The following LRRC7 variants were observed in gnomAD, a reference collection of about 807,000 sequenced individuals.
The protein encoded by LRRC7 is leucine rich repeat containing 7.
A neutral mutation model predicts 175.7 loss-of-function variants in LRRC7; 23 were observed. The observed-to-expected ratio is 0.13, with a 90% CI of 0.09 to 0.19. LRRC7 has a LOEUF of 0.19. Among genes scored for constraint, LRRC7 ranks in the 10% least tolerant of loss-of-function variants. LRRC7 has a pLI of 1.00. For synonymous variants in LRRC7, 685 were observed against 680.9 expected (o/e 1.01, Z -0.09); for missense variants, 1,354 against 1,904.7 (o/e 0.71, Z 5.38).
chr1:69,847,790 C>T (rs1195716848), intron 7 of LRRC7, among the ~76,000 whole-genome samples: 1 of 152,052 alleles, frequency 6.6e-6, no homozygotes, highest in African/African-American at 2.4e-5. Context: ...CTCATCTCTA[C>T]CATTGGAATA....
rs995822571 is a variant in LRRC7, at chr1:70,138,648, C to T, written c.*16761C>T. ...TTTTAAGGAGCCAAATTTAAATTCT[C>T]AATACCCTATGAGATTTTTTAAACT... On this transcript the variant is annotated 3_prime_UTR_variant, in exon 27 of 27. Coordinates refer to ENST00000651989, the MANE Select transcript of LRRC7 (RefSeq NM_001370785.2). 1.3e-5 allele frequency: 2 copies of T among 152,152 alleles called. No homozygotes were observed. The highest frequency in any genetic ancestry group is 4.8e-5 in the African/African-American group (2 of 41,424). 9.4% of individuals were successfully genotyped at this position (152,152 alleles called of 1,614,324 possible).
intron 1 of LRRC7, among the ~76,000 whole-genome samples, chr1:69,623,614 G>A (rs1016465181): frequency 2.0e-5 from 3 of 147,456 alleles, no homozygotes; most frequent in East Asian, 2.0e-4. Flanking sequence ...GCAATGGTAC[G>A]ATCTCGGCTC....
rs1400967892 is a variant in LRRC7 at position 69,878,466 on chromosome 1, T to G, written c.647+40183T>G. On this transcript the variant is annotated intron_variant, in intron 7 of 26. Coordinates refer to ENST00000651989, the MANE Select transcript of LRRC7 (RefSeq NM_001370785.2). ...TGTTTTTAGAGAATGCACGACTGAT[T>G]TAAGAATGCTTGTTCAGATGAAGAA... Among the ~76,000 whole-genome samples the G allele has an allele frequency of 3.9e-5, 6 of 152,134 alleles. No individual in the cohort carries two copies. In the East Asian group the frequency reaches 1.2e-3, roughly 29 times the overall value.
chr1:70,065,505 A>G (rs1558039568), intron 23 of LRRC7, among the ~76,000 whole-genome samples: 1 of 151,948 alleles, frequency 6.6e-6, no homozygotes, highest in Non-Finnish European at 1.5e-5. Context: ...ATCTATGTGA[A>G]TTATGGATAA....
chr1:70,101,948 A>C (rs1664833324), intron 25 of LRRC7, among the ~76,000 whole-genome samples: 1 of 152,188 alleles, frequency 6.6e-6, no homozygotes, highest in Non-Finnish European at 1.5e-5. Flanking sequence ...CATTCTTTTG[A>C]AAGGAGCTTC....
chr1:69,926,184 G>A (rs1194363752), intron 7 of LRRC7, among the ~76,000 whole-genome samples: 30 of 142,844 alleles, frequency 2.1e-4, no homozygotes, highest in African/African-American at 3.3e-4. Context: ...TATAATTTCC[G>A]TTCTTTTACA....
intron 3 of LRRC7, among the ~76,000 whole-genome samples, chr1:69,775,351 A>G (rs1193643550): frequency 1.3e-5 from 2 of 152,200 alleles, no homozygotes; most frequent in Non-Finnish European, 1.5e-5. Flanking sequence ...TTATTAGTAT[A>G]TGACTTGACA....
intron 1 of LRRC7, among the ~76,000 whole-genome samples, chr1:69,654,037 T>C (rs905971533): frequency 1.3e-4 from 19 of 151,998 alleles, no homozygotes; most frequent in Non-Finnish European, 1.9e-4. Flanking sequence ...AGATTTGCTG[T>C]ACAACAATGT....
intron 7 of LRRC7, among the ~76,000 whole-genome samples, chr1:69,912,250 C>T (rs1323402740): frequency 1.3e-5 from 2 of 152,108 alleles, no homozygotes; most frequent in Non-Finnish European, 2.9e-5. Flanking sequence ...ATGAGCCTGA[C>T]ACATTGTGTG....
intron 1 of LRRC7, among the ~76,000 whole-genome samples, chr1:69,650,349 G>T (rs1044874000): frequency 2.0e-5 from 3 of 151,692 alleles, no homozygotes; most frequent in African/African-American, 7.3e-5. Flanking sequence ...GACCATCGTG[G>T]CTAACATGGT....
chr1:69,641,474 AAATT>A (rs1164472905), intron 1 of LRRC7, among the ~76,000 whole-genome samples: 2 of 151,610 alleles, frequency 1.3e-5, no homozygotes, highest in Non-Finnish European at 3.0e-5. Context: ...TTTAAGAAAT[AAATT>A]AATCAGCATT....
intron 2 of LRRC7, among the ~76,000 whole-genome samples, chr1:69,717,958 AG>A (rs1386573937): frequency 1.5e-4 from 9 of 58,620 alleles, no homozygotes; most frequent in African/African-American, 4.1e-4. Flanking sequence ...GAAAGAAAGA[AG>A]AAAAAGAAAG....
At chr1:69,941,496 A>G (rs1648704418) in intron 8 of LRRC7, among the ~76,000 whole-genome samples, 1 of 152,036 alleles carries the variant, frequency 6.6e-6, no homozygotes, top group Non-Finnish European at 1.5e-5. Flanking sequence ...GGGTAGTAGC[A>G]ATGGAGGTGG....
chr1:70,010,218 T>C (rs975251080), intron 11 of LRRC7, among the ~76,000 whole-genome samples: 6 of 152,230 alleles, frequency 3.9e-5, no homozygotes, highest in Non-Finnish European at 1.5e-5. Context: ...CTGTGTTCAA[T>C]TGTTAAATAA....
At chr1:70,021,370 G>A (rs1657478181) in intron 16 of LRRC7, 1 of 319,516 alleles carries the variant, frequency 3.1e-6, no homozygotes. Context: ...CTGCATGAGA[G>A]AGATTCAAGC....
intron 2 of LRRC7, among the ~76,000 whole-genome samples, chr1:69,745,443 T>C (rs1450958394): frequency 2.0e-5 from 3 of 152,030 alleles, no homozygotes; most frequent in South Asian, 2.1e-4. Flanking sequence ...AGGAAAGATG[T>C]TCAAATCCTT....
At chr1:69,819,573 C>CTGTGTG (rs1211392847) in intron 4 of LRRC7, among the ~76,000 whole-genome samples, 8 of 128,108 alleles carry the variant, frequency 6.2e-5, no homozygotes, top group African/African-American at 2.2e-4. Context: ...CTCTCTCTCT[C>CTGTGTG]TCTCTGTGTG....
intron 2 of LRRC7, among the ~76,000 whole-genome samples, chr1:69,722,974 T>C (rs1373638102): frequency 6.6e-6 from 1 of 152,094 alleles, no homozygotes; most frequent in Non-Finnish European, 1.5e-5. Flanking sequence ...TTGATTTTTA[T>C]GTTAGTTTTT....
chr1:69,903,463 C>T (rs995979982), intron 7 of LRRC7, among the ~76,000 whole-genome samples: 1 of 152,170 alleles, frequency 6.6e-6, no homozygotes, highest in Non-Finnish European at 1.5e-5. Context: ...TACACCTTTC[C>T]CACAGTCTTC....
Sources: gnomAD v4.1 joint callset for allele counts (sites outside exome capture counted in the v4.1 genomes callset) on GRCh38, gnomAD v4.1.1 for gene constraint, MANE v1.5 for transcripts, NCBI Gene and HGNC (gene_info 2026-07-23, HGNC 2026-07-21) for gene names.